SEC14L1: variants seen among roughly 807,000 people sequenced by gnomAD.
SEC14L1 encodes SEC14 like lipid binding 1.
Under a neutral mutation model 85.3 loss-of-function variants are expected in SEC14L1, and 48 were observed. The ratio of observed to expected loss-of-function variants is 0.56; its 90% confidence interval spans 0.45 to 0.72. SEC14L1 has a LOEUF of 0.72. Among genes scored for constraint, SEC14L1 ranks in the 30% least tolerant of loss-of-function variants. SEC14L1 has a pLI of 0.00. For missense variants in SEC14L1, 682 were observed against 921.4 expected (o/e 0.74, Z 3.36); for synonymous variants, 391 against 355.5 (o/e 1.10, Z -1.12).
At chr17:77,196,811 A>G (rs1177081090) in intron 8 of SEC14L1, among the ~76,000 whole-genome samples, 1 of 152,210 alleles carries the variant, frequency 6.6e-6, no homozygotes, top group Non-Finnish European at 1.5e-5. Context: ...CCTGATCTCT[A>G]ATTCTGTCAG....
chr17:77,094,654 A>G (rs1468041546), intron 3 of SEC14L1: 1 of 151,254 alleles, frequency 6.6e-6, no homozygotes, highest in Non-Finnish European at 1.5e-5. Context: ...TTTAGTAGAG[A>G]CAGGGTTTCA....
intron 3 of SEC14L1, among the ~76,000 whole-genome samples, chr17:77,152,311 G>T (rs1025524535): frequency 6.6e-6 from 1 of 152,056 alleles, no homozygotes; most frequent in African/African-American, 2.4e-5. Context: ...TGAGGCGGGT[G>T]GATCATTTGA....
chr17:77,213,265 G>A lies in SEC14L1; in HGVS notation c.1864-49G>A. On this transcript the variant is annotated intron_variant, in intron 15 of 16. Coordinates refer to ENST00000436233, the MANE Select transcript of SEC14L1 (RefSeq NM_001143998.2). This position sits in a 1 kb window ranked among gnomAD's most constrained non-coding sequence, Gnocchi z 7.1. Reference sequence around the variant, plus strand: ...CGCTTGTCAGGCCTGTGGTAGGCCAGGGGTCGGAAGCGAGTCGCCCTCAGC... The same window carrying A: ...CGCTTGTCAGGCCTGTGGTAGGCCAAGGGTCGGAAGCGAGTCGCCCTCAGC... The A allele has an allele frequency of 3.9e-6, 6 of 1,526,728 alleles. No homozygotes were observed. Among genetic ancestry groups the A allele is most frequent in the African/African-American group, 1.4e-5 (1 of 73,210 alleles). The allele number at this position is 1,526,728 out of a possible 1,614,324, so 94.6% of individuals were successfully genotyped here.
chr17:77,154,621 C>G (rs1264027884), intron 3 of SEC14L1, among the ~76,000 whole-genome samples: 1 of 146,622 alleles, frequency 6.8e-6, no homozygotes, highest in African/African-American at 2.5e-5. Flanking sequence ...TCTACTGGCC[C>G]CTTCTGGTTT....
intron 3 of SEC14L1, among the ~76,000 whole-genome samples, chr17:77,117,664 C>T (rs1182882770): frequency 6.6e-6 from 1 of 152,172 alleles, no homozygotes; most frequent in Non-Finnish European, 1.5e-5. Flanking sequence ...CCAGCTCCTG[C>T]AGGAAGAAAT....
At chr17:77,096,646 T>C (rs1317002167) in intron 3 of SEC14L1, among the ~76,000 whole-genome samples, 1 of 152,166 alleles carries the variant, frequency 6.6e-6, no homozygotes, top group South Asian at 2.1e-4. Flanking sequence ...AATTTCTCTC[T>C]TCGTCCACTA....
intron 3 of SEC14L1, among the ~76,000 whole-genome samples, chr17:77,111,396 G>GC (rs1555614902): frequency 7.1e-6 from 1 of 140,770 alleles, no homozygotes; most frequent in African/African-American, 2.6e-5. Flanking sequence ...CTTTTGAAGT[G>GC]TTTTTTTTTT....
At chr17:77,203,394 A>G (rs1304907141) in intron 9 of SEC14L1, among the ~76,000 whole-genome samples, 176 bp from the exon 10 acceptor site, 2 of 152,162 alleles carry the variant, frequency 1.3e-5, no homozygotes, top group African/African-American at 4.8e-5. Context: ...TTTTGGGGTA[A>G]ATATTGGACA....
At chr17:77,136,313 T>C (rs184332202), upstream of SEC14L1, among the ~76,000 whole-genome samples, 1 of 149,364 alleles carries the variant, frequency 6.7e-6, no homozygotes, top group East Asian at 2.0e-4. Flanking sequence ...CACCCTGCCC[T>C]GCCCTCCCTC....
chr17:77,115,290 G>A (rs758019822), intron 3 of SEC14L1, among the ~76,000 whole-genome samples: 10 of 152,052 alleles, frequency 6.6e-5, no homozygotes, highest in South Asian at 2.1e-4. Flanking sequence ...TTAGCTGGGC[G>A]TGGTGGTGTG....
intron 3 of SEC14L1, among the ~76,000 whole-genome samples, chr17:77,105,880 C>A (rs190059284): frequency 0.012 from 1,848 of 151,500 alleles, 43 homozygotes; most frequent in South Asian, 0.046. Context: ...TGAGAGGAGA[C>A]AATCTTCCCT....
intron 14 of SEC14L1, 42 bp downstream of exon 14, chr17:77,209,518 C>T (rs372393010): frequency 3.2e-5 from 52 of 1,603,524 alleles, no homozygotes; most frequent in Middle Eastern, 1.6e-4. Context: ...GCCCTTCCTC[C>T]GCAGAGGGCC....
chr17:77,205,824 T>C (rs1976434703), intron 11 of SEC14L1, among the ~76,000 whole-genome samples: 1 of 152,162 alleles, frequency 6.6e-6, no homozygotes, highest in Non-Finnish European at 1.5e-5. Flanking sequence ...AGTGCTTGCC[T>C]CTCTCTCTGT....
rs1373478553 is a variant in SEC14L1 at position 77,215,802 on chromosome 17, G to A, written c.*1779G>A. The A allele has an allele frequency of 5.2e-6, 5 of 956,444 alleles. No homozygotes were observed. Among genetic ancestry groups the A allele is most frequent in the Non-Finnish European group, 6.2e-6 (5 of 811,562 alleles). The allele number at this position is 956,444 out of a possible 1,614,324, so 59.2% of individuals were successfully genotyped here. On this transcript the variant is annotated 3_prime_UTR_variant, in exon 17 of 17. Coordinates refer to ENST00000436233, the MANE Select transcript of SEC14L1 (RefSeq NM_001143998.2). ...TAGGTAGGGTTCGTAGGTAGGGTTC[G>A]TAGGTAGGGCTGGTAGGTAGGGTTA... is the stretch of plus-strand genomic sequence containing the variant.
chr17:77,160,811 A>C (rs60404605), intron 3 of SEC14L1, among the ~76,000 whole-genome samples: 1 of 152,240 alleles, frequency 6.6e-6, no homozygotes, highest in African/African-American at 2.4e-5. Flanking sequence ...GCACATGGTT[A>C]GCTTTTATTT....
Position 77,213,325 on chromosome 17 carries a change from G to T in SEC14L1, c.1875G>T (p.Val625=). The T allele has an allele frequency of 6.2e-7, 1 of 1,609,804 alleles. No homozygotes were observed. ...KEGESVQGSH[V]TRWPGFYILQ... ...CCTACTTGTTCTAGGGTTCCCATGT[G>T]ACCAGGTGGCCGGGCTTCTACATCC... The change falls in exon 16 of 17, where the codon GTG becomes GTT. Residue 625 remains valine (V), a synonymous_variant. Transcript: ENST00000436233. The surrounding 1 kb of genome is among the most constrained non-coding windows in gnomAD (Gnocchi z 7.1).
intron 11 of SEC14L1, 101 bp downstream of exon 11, chr17:77,205,447 G>C (rs2271792): frequency 0.061 from 64,774 of 1,066,786 alleles, 2,733 homozygotes; most frequent in Admixed American, 0.15. Flanking sequence ...ATTTTCCAAG[G>C]TGCTCTAAAA....
intron 2 of SEC14L1, among the ~76,000 whole-genome samples, chr17:77,092,120 T>A (rs565563079): frequency 1.3e-5 from 2 of 152,340 alleles, no homozygotes; most frequent in African/African-American, 4.8e-5. Context: ...GTTTATGGAA[T>A]GTAATATTGA....
rs758262414 is a variant in SEC14L1 at position 77,209,494 on chromosome 17, C to T, written c.1611+18C>T. On this transcript the variant is annotated intron_variant, in intron 14 of 16. Transcript: ENST00000436233. ...CACATGAGGTACGTCCTCCGCCTTCCTGCACCTGGGCCGGCCCTTCCTCCG... is the reference window on the plus strand; with the variant it reads ...CACATGAGGTACGTCCTCCGCCTTCTTGCACCTGGGCCGGCCCTTCCTCCG... 1.2e-5 allele frequency: 19 copies of T among 1,611,922 alleles called. No individual in the cohort carries two copies. The highest frequency in any genetic ancestry group is 1.5e-5 in the Non-Finnish European group (18 of 1,179,438).
Sources: gnomAD v4.1 joint callset for allele counts (sites outside exome capture counted in the v4.1 genomes callset) on GRCh38, gnomAD v4.1.1 for gene constraint, Gnocchi (gnomAD v3.1) non-coding constraint, MANE v1.5 for transcripts, NCBI Gene and HGNC (gene_info 2026-07-23, HGNC 2026-07-21) for gene names.